Variants in KLKB1 observed in about 807,000 individuals in gnomAD.
The protein encoded by KLKB1 is plasma kallikrein.
A neutral mutation model predicts 73.6 loss-of-function variants in KLKB1; 58 were observed. The ratio of observed to expected loss-of-function variants is 0.79; its 90% CI spans 0.64 to 0.98. The LOEUF (loss-of-function observed/expected upper bound fraction) is 0.98, where lower values mean the gene tolerates loss of function less well. Ranked by LOEUF, KLKB1 falls within the 50% of genes least tolerant of loss-of-function variation. The pLI is 0.00. For synonymous variants in KLKB1, 280 were observed against 258.1 expected (o/e 1.08, Z -0.81); for missense variants, 737 against 763.8 (o/e 0.96, Z 0.41).
intron 11 of KLKB1, among the ~76,000 whole-genome samples, chr4:186,254,163 C>T (rs572415707): frequency 1.3e-5 from 2 of 152,314 alleles, no homozygotes; most frequent in South Asian, 4.1e-4. Context: ...ACACTAAAGT[C>T]CTCCTACTTT....
At chr4:186,239,728 T>A (rs1175746272) in intron 6 of KLKB1, among the ~76,000 whole-genome samples, 1 of 69,700 alleles carries the variant, frequency 1.4e-5, no homozygotes, top group Non-Finnish European at 2.7e-5. Flanking sequence ...AGTGATATTG[T>A]TATAGTTATA....
intron 6 of KLKB1, among the ~76,000 whole-genome samples, chr4:186,242,727 G>T (rs4253277): frequency 6.6e-6 from 1 of 151,962 alleles, no homozygotes; most frequent in South Asian, 2.1e-4. Context: ...TACTTGCTTG[G>T]TTGGTGAGTT....
intron 6 of KLKB1, among the ~76,000 whole-genome samples, chr4:186,249,747 A>G (rs1738568351): frequency 6.6e-6 from 1 of 152,226 alleles, no homozygotes. Flanking sequence ...CATAAACGAT[A>G]TGTACACAAC....
At chr4:186,222,957 T>C (rs1014779924), upstream of KLKB1, among the ~76,000 whole-genome samples, 4 of 152,176 alleles carry the variant, frequency 2.6e-5, no homozygotes, top group Admixed American at 2.0e-4. Context: ...TGGGAGATGA[T>C]TGGATCACGA....
intron 11 of KLKB1, among the ~76,000 whole-genome samples, chr4:186,252,448 C>A (rs1348354288): frequency 6.6e-6 from 1 of 152,072 alleles, no homozygotes; most frequent in Non-Finnish European, 1.5e-5. Flanking sequence ...ACTCCTCCAA[C>A]CCACCACCCA....
intron 6 of KLKB1, among the ~76,000 whole-genome samples, chr4:186,245,832 T>TTTTTTTTTTTTTG (rs1738315216): frequency 1.4e-5 from 2 of 140,234 alleles, no homozygotes; most frequent in Non-Finnish European, 3.2e-5. Context: ...TGGTTTTTTT[T>TTTTTTTTTTTTTG]TTTTAATGTC....
At chr4:186,255,808 C>T (rs962673890) in intron 12 of KLKB1, among the ~76,000 whole-genome samples, 184 bp from the exon 13 acceptor site, 16 of 152,154 alleles carry the variant, frequency 1.1e-4, no homozygotes, top group African/African-American at 3.6e-4. Context: ...CCAAAAATGT[C>T]ATGTGAAAAA....
At chr4:186,252,608 C>A (rs1738749812) in intron 11 of KLKB1, among the ~76,000 whole-genome samples, 1 of 139,168 alleles carries the variant, frequency 7.2e-6, no homozygotes, top group Non-Finnish European at 1.6e-5. Flanking sequence ...TACCCCACCA[C>A]CAATCCCGCC....
At chr4:186,254,512 A>C in intron 11 of KLKB1, 76 bp from the exon 12 acceptor site, 1 of 1,196,364 alleles carries the variant, frequency 8.4e-7, no homozygotes, top group Non-Finnish European at 1.2e-6. Context: ...TCTTTGAAAG[A>C]GAGTGATAGG....
chr4:186,245,859 A>G, intron 6 of KLKB1, among the ~76,000 whole-genome samples: 1 of 131,104 alleles, frequency 7.6e-6, no homozygotes, highest in African/African-American at 2.8e-5. Context: ...TGACTGGGTG[A>G]TAAAATGCAT....
At chr4:186,225,835 T>C (rs550772329), upstream of KLKB1, among the ~76,000 whole-genome samples, 75 of 152,140 alleles carry the variant, frequency 4.9e-4, 1 homozygote, top group Non-Finnish European at 1.0e-3. Flanking sequence ...TTTCTATTCT[T>C]ATTTTTTTAA....
At chr4:186,240,190 TACAGTGATATTGTTATAGTTATAGG>T (rs1448532595) in intron 6 of KLKB1, among the ~76,000 whole-genome samples, 2 of 152,022 alleles carry the variant, frequency 1.3e-5, no homozygotes, top group Non-Finnish European at 2.9e-5. Flanking sequence ...TAGTTAAAGG[TACAGTGATATTGTTATAGTTATAGG>T]ACAGTGATAT....
At chr4:186,250,656 A>G (rs577801812) in intron 7 of KLKB1, among the ~76,000 whole-genome samples, 6 of 152,368 alleles carry the variant, frequency 3.9e-5, no homozygotes, top group Admixed American at 6.5e-5. Flanking sequence ...TAGCCATGAG[A>G]AAAAAGAAGG....
intron 4 of KLKB1, among the ~76,000 whole-genome samples, chr4:186,236,006 C>A (rs192722640): frequency 2.0e-5 from 3 of 150,300 alleles, no homozygotes; most frequent in Non-Finnish European, 4.4e-5. Flanking sequence ...CCCAGCTACT[C>A]GGGAGGCTGA....
intron 6 of KLKB1, among the ~76,000 whole-genome samples, chr4:186,242,015 T>C (rs1738075043): frequency 1.3e-5 from 2 of 152,214 alleles, no homozygotes; most frequent in African/African-American, 4.8e-5. Flanking sequence ...AAGAAAGCTT[T>C]TTAATCACCT....
chr4:186,241,108 C>T (rs1042059825), intron 6 of KLKB1, among the ~76,000 whole-genome samples: 3 of 152,080 alleles, frequency 2.0e-5, no homozygotes, highest in Non-Finnish European at 4.4e-5. Flanking sequence ...CTGCTAAGGG[C>T]GTGGCTTTTC....
upstream of KLKB1, among the ~76,000 whole-genome samples, chr4:186,222,991 CATG>C (rs1348612619): frequency 6.6e-6 from 1 of 152,180 alleles, no homozygotes; most frequent in Admixed American, 6.5e-5. Flanking sequence ...ATTATGTTCT[CATG>C]ATAGTGAGGG....
chr4:186,221,324 CCT>C (rs1177531636), intron 2 of KLKB1, among the ~76,000 whole-genome samples: 2 of 150,810 alleles, frequency 1.3e-5, no homozygotes, highest in Non-Finnish European at 3.0e-5. Flanking sequence ...TTTCTTTCTT[CCT>C]CTGTCTTTGG....
chr4:186,250,834 A>G (rs1327184541), intron 7 of KLKB1, among the ~76,000 whole-genome samples: 1 of 152,168 alleles, frequency 6.6e-6, no homozygotes, highest in African/African-American at 2.4e-5. Context: ...CACTGTCTTT[A>G]TCTCAGATAA....
Sources: gnomAD v4.1 joint callset for allele counts (sites outside exome capture counted in the v4.1 genomes callset) on GRCh38, gnomAD v4.1.1 for gene constraint, MANE v1.5 for transcripts, NCBI Gene and HGNC (gene_info 2026-07-23, HGNC 2026-07-21) for gene names.